The following CALN1 variants were observed in gnomAD, a reference collection of about 807,000 sequenced individuals.
CALN1 encodes calcium-binding protein 8.
Under a neutral mutation model 30.6 loss-of-function variants are expected in CALN1, and 17 were observed. The ratio of observed to expected loss-of-function variants is 0.56; its 90% CI spans 0.38 to 0.83. The LOEUF is 0.83. Ranked by LOEUF, CALN1 falls within the 40% of genes least tolerant of loss-of-function variation. The pLI is 0.00. For missense variants in CALN1, 291 were observed against 354.9 expected (o/e 0.82, Z 1.45); for synonymous variants, 156 against 131.4 (o/e 1.19, Z -1.28).
chr7:72,064,648 C>G (rs1190854055), intron 4 of CALN1, among the ~76,000 whole-genome samples: 1 of 152,192 alleles, frequency 6.6e-6, no homozygotes. Context: ...AATCTTCTAA[C>G]TCAAGGTCAT....
At chr7:72,207,188 C>T (rs997874260) in intron 3 of CALN1, among the ~76,000 whole-genome samples, 7 of 152,160 alleles carry the variant, frequency 4.6e-5, no homozygotes, top group East Asian at 1.9e-4. Context: ...CGCATCCTCC[C>T]ACTCTCTCCC....
At chr7:71,945,394 G>A (rs1404789935) in intron 5 of CALN1, among the ~76,000 whole-genome samples, 1 of 152,184 alleles carries the variant, frequency 6.6e-6, no homozygotes, top group Non-Finnish European at 1.5e-5. Flanking sequence ...CCAACACAAG[G>A]CACAACCCAA....
intron 1 of CALN1, among the ~76,000 whole-genome samples, chr7:72,441,317 G>T (rs116438059): frequency 6.6e-6 from 1 of 151,762 alleles, no homozygotes; most frequent in Non-Finnish European, 1.5e-5. Flanking sequence ...GAGAATGAGG[G>T]CCAGGCACGG....
At chr7:72,285,424 T>C (rs1798021946) in intron 2 of CALN1, among the ~76,000 whole-genome samples, 1 of 152,094 alleles carries the variant, frequency 6.6e-6, no homozygotes, top group South Asian at 2.1e-4. Flanking sequence ...TTTGTATTTT[T>C]AGTAGAGATG....
At chr7:71,859,454 T>C (rs1289580603) in intron 5 of CALN1, among the ~76,000 whole-genome samples, 1 of 152,180 alleles carries the variant, frequency 6.6e-6, no homozygotes, top group African/African-American at 2.4e-5. Context: ...GAAAGGAATG[T>C]GTATGGGTTG....
intron 2 of CALN1, among the ~76,000 whole-genome samples, chr7:72,282,863 G>C (rs1797824494): frequency 6.6e-6 from 1 of 152,062 alleles, no homozygotes; most frequent in Admixed American, 6.6e-5. Flanking sequence ...ACACCAGCCT[G>C]GACAACATGG....
At chr7:72,458,762 C>A in the CALN1 span, among the ~76,000 whole-genome samples, 7,298 of 86,712 alleles carry the variant, frequency 0.084, 1,051 homozygotes, top group Non-Finnish European at 0.11. Flanking sequence ...ATAATATATT[C>A]TATATTATAT....
At chr7:71,873,992 C>T (rs57333866) in intron 5 of CALN1, among the ~76,000 whole-genome samples, 1 of 152,080 alleles carries the variant, frequency 6.6e-6, no homozygotes, top group Admixed American at 6.5e-5. Context: ...CTTCTAGATT[C>T]GGCCAGGTGC....
At chr7:72,093,693 G>T (rs1229780133) in intron 4 of CALN1, among the ~76,000 whole-genome samples, 1 of 152,108 alleles carries the variant, frequency 6.6e-6, no homozygotes, top group Non-Finnish European at 1.5e-5. Context: ...AACAAGCTCA[G>T]ACCTTTAAAC....
intron 3 of CALN1, among the ~76,000 whole-genome samples, chr7:72,212,983 C>A (rs1352779807): frequency 6.6e-6 from 1 of 152,194 alleles, no homozygotes; most frequent in Non-Finnish European, 1.5e-5. Flanking sequence ...AACAGAAACG[C>A]TCAAGAAAGC....
chr7:71,977,455 T>A (rs1477235556), intron 5 of CALN1, among the ~76,000 whole-genome samples: 3 of 151,826 alleles, frequency 2.0e-5, no homozygotes, highest in East Asian at 3.9e-4. Context: ...AATAAATAAA[T>A]AAAAATGAAA....
intron 3 of CALN1, among the ~76,000 whole-genome samples, chr7:72,132,097 T>C (rs1014952437): frequency 6.6e-6 from 1 of 152,186 alleles, no homozygotes; most frequent in African/African-American, 2.4e-5. Flanking sequence ...CAAAAACATA[T>C]TGATCAATAT....
intron 5 of CALN1, among the ~76,000 whole-genome samples, chr7:71,925,572 T>A (rs1795225754): frequency 2.0e-5 from 3 of 151,950 alleles, no homozygotes; most frequent in African/African-American, 7.2e-5. Context: ...CCTTTAATTT[T>A]AAAAATAATT....
chr7:72,187,442 T>C (rs1017326303), intron 3 of CALN1, among the ~76,000 whole-genome samples: 1 of 152,140 alleles, frequency 6.6e-6, no homozygotes, highest in Non-Finnish European at 1.5e-5. Flanking sequence ...GAGGGAACAT[T>C]ACCTCCTGAG....
chr7:72,192,838 A>T (rs541533623), intron 3 of CALN1, among the ~76,000 whole-genome samples: 12 of 119,212 alleles, frequency 1.0e-4, no homozygotes, highest in African/African-American at 4.0e-4. Context: ...AGAGTGTGAT[A>T]TTCCCCTTCC....
chr7:72,388,446 C>A (rs1214887593), intron 2 of CALN1, among the ~76,000 whole-genome samples: 1 of 151,956 alleles, frequency 6.6e-6, no homozygotes, highest in Non-Finnish European at 1.5e-5. Context: ...TAAGTACAAA[C>A]CCGAGGAAAT....
chr7:72,462,327 A>G, the CALN1 span, among the ~76,000 whole-genome samples: 3 of 152,150 alleles, frequency 2.0e-5, no homozygotes, highest in African/African-American at 7.2e-5. Context: ...CTGGGACTAC[A>G]GGTGTGCACA....
the CALN1 span, among the ~76,000 whole-genome samples, chr7:72,455,319 A>ATGTG: frequency 2.0e-4 from 26 of 132,378 alleles, no homozygotes; most frequent in African/African-American, 3.5e-4. Context: ...ATATATATAT[A>ATGTG]TATGTGTGTG....
chr7:72,368,864 G>C (rs961239281), intron 2 of CALN1, among the ~76,000 whole-genome samples: 2 of 146,944 alleles, frequency 1.4e-5, no homozygotes, highest in Non-Finnish European at 3.0e-5. Context: ...GCCCAGGCTG[G>C]AGTGCAGCGG....
Sources: allele counts gnomAD v4.1 joint callset (sites outside exome capture counted in the v4.1 genomes callset), GRCh38; gene constraint gnomAD v4.1.1; transcripts MANE v1.5; gene names NCBI Gene and HGNC (gene_info 2026-07-23, HGNC 2026-07-21).